VDR: variants seen among roughly 807,000 people sequenced by gnomAD.
VDR encodes the protein vitamin D3 receptor.
VDR carries 19 observed loss-of-function variants against 39.7 expected under a neutral mutation model. The ratio of observed to expected loss-of-function variants is 0.48; its 90% CI spans 0.33 to 0.70. VDR has a LOEUF of 0.70. Ranked by LOEUF, VDR falls within the 30% of genes least tolerant of loss-of-function variation. VDR has a pLI of 0.02. For synonymous variants in VDR, 242 were observed against 215.8 expected (o/e 1.12, Z -1.07); for missense variants, 442 against 570.5 (o/e 0.77, Z 2.29).
rs1310043961 is a variant in VDR at position 47,879,598 on chromosome 12, T to G, written c.-2-483A>C. Reference sequence around the variant, plus strand: ...CTCCCTCAGCCTCAGCACCTACATGTGGAGAGAAACCCTCAGGTCTCCTCC... The same window carrying G: ...CTCCCTCAGCCTCAGCACCTACATGGGGAGAGAAACCCTCAGGTCTCCTCC... On this transcript the variant is annotated intron_variant, in intron 2 of 9. Coordinates refer to ENST00000549336, the MANE Select transcript of VDR (RefSeq NM_000376.3). Among the ~76,000 whole-genome samples the G allele has an allele frequency of 2.6e-5, 4 of 152,236 alleles. No individual in the cohort carries two copies. In the East Asian group the frequency reaches 7.7e-4, roughly 29 times the overall value.
At chr12:47,901,754 T>C (rs1346497510) in intron 1 of VDR, among the ~76,000 whole-genome samples, 1 of 152,166 alleles carries the variant, frequency 6.6e-6, no homozygotes, top group East Asian at 1.9e-4. Context: ...TGAGGCCCAG[T>C]CTTGGCTCCA....
At chr12:47,878,639 C>T (rs938321295) in intron 3 of VDR, among the ~76,000 whole-genome samples, 2 of 152,194 alleles carry the variant, frequency 1.3e-5, no homozygotes, top group African/African-American at 2.4e-5. Context: ...AAGCTGTGAT[C>T]ATCAACAGGG....
At chr12:47,879,546 C>T (rs907528373) in intron 2 of VDR, among the ~76,000 whole-genome samples, 3 of 152,194 alleles carry the variant, frequency 2.0e-5, no homozygotes, top group Admixed American at 6.5e-5. Flanking sequence ...TCCTGCCCAA[C>T]GCCCCCTCCA....
At chr12:47,879,702 G>A (rs1285886208) in intron 2 of VDR, among the ~76,000 whole-genome samples, 3 of 152,166 alleles carry the variant, frequency 2.0e-5, no homozygotes, top group East Asian at 3.9e-4. Context: ...AAAGCTCAGG[G>A]CTAATAGGCT....
intron 2 of VDR, 144 bp downstream of exon 2, chr12:47,882,550 T>C (rs1228682622): frequency 4.4e-6 from 3 of 683,598 alleles, no homozygotes; most frequent in Non-Finnish European, 7.5e-6. Context: ...AGTTGCAGAC[T>C]CTGCTGGCCC....
At chr12:47,883,539 G>C (rs1259695942) in intron 1 of VDR, among the ~76,000 whole-genome samples, 2 of 152,194 alleles carry the variant, frequency 1.3e-5, no homozygotes, top group Non-Finnish European at 2.9e-5. Context: ...CCAGCAAGGA[G>C]GGATGGGCAG....
intron 1 of VDR, among the ~76,000 whole-genome samples, chr12:47,886,958 G>A (rs183554629): frequency 1.3e-5 from 2 of 149,072 alleles, no homozygotes; most frequent in Admixed American, 6.9e-5. Flanking sequence ...TAGGCCATTC[G>A]CACAGGAGCT....
At chr12:47,858,876 T>C in intron 4 of VDR, among the ~76,000 whole-genome samples, 1 of 152,152 alleles carries the variant, frequency 6.6e-6, no homozygotes, top group Non-Finnish European at 1.5e-5. Context: ...GAGAAGTTGC[T>C]GTGGGGTGAG....
At chr12:47,846,534 C>T in intron 8 of VDR, 83 bp from the exon 9 acceptor site, 9 of 1,555,788 alleles carry the variant, frequency 5.8e-6, no homozygotes, top group Non-Finnish European at 7.9e-6. Context: ...TGACCCTCGC[C>T]CTTCTCTCCC....
chr12:47,845,072 A>C, intron 9 of VDR, 67 bp from the exon 10 acceptor site: 5 of 1,595,720 alleles, frequency 3.1e-6, no homozygotes, highest in South Asian at 1.1e-5. Flanking sequence ...GCTCAATCCC[A>C]CCACCCCCCA....
intron 4 of VDR, among the ~76,000 whole-genome samples, chr12:47,862,742 C>T (rs1565616859): frequency 6.6e-6 from 1 of 152,168 alleles, no homozygotes; most frequent in Non-Finnish European, 1.5e-5. Context: ...GGGACAAAAC[C>T]CAGCCCAGAT....
chr12:47,894,629 T>C (rs1437427936), intron 1 of VDR, among the ~76,000 whole-genome samples: 1 of 152,216 alleles, frequency 6.6e-6, no homozygotes, highest in East Asian at 1.9e-4. Flanking sequence ...GCTAGGCTGG[T>C]CAGTAGCCCA....
intron 7 of VDR, among the ~76,000 whole-genome samples, chr12:47,849,129 TC>T (rs143384758): frequency 0.02 from 3,031 of 152,312 alleles, 108 homozygotes; most frequent in African/African-American, 0.066. Context: ...GTCTACTTCC[TC>T]CTGGATATCC....
intron 3 of VDR, among the ~76,000 whole-genome samples, chr12:47,865,936 C>T (rs1206791959): frequency 4.0e-5 from 6 of 150,726 alleles, no homozygotes; most frequent in Admixed American, 1.3e-4. Flanking sequence ...AGGATGGTCT[C>T]GATCTCCTGA....
At chr12:47,855,257 G>A (rs1029415974) in intron 7 of VDR, among the ~76,000 whole-genome samples, 1 of 152,158 alleles carries the variant, frequency 6.6e-6, no homozygotes, top group African/African-American at 2.4e-5. Context: ...GAACCCGGGA[G>A]GCGGAGGTTA....
At chr12:47,902,182 T>C (rs10083198) in intron 1 of VDR, among the ~76,000 whole-genome samples, 65,264 of 152,162 alleles carry the variant, frequency 0.43, 17,400 homozygotes, top group African/African-American at 0.75. Flanking sequence ...GGTATAACCA[T>C]GCATGGCATC....
chr12:47,878,472 A>G (rs1277532426), intron 3 of VDR, among the ~76,000 whole-genome samples: 2 of 152,204 alleles, frequency 1.3e-5, no homozygotes, highest in African/African-American at 2.4e-5. Flanking sequence ...ACCAGGACAA[A>G]CAGTCCTTGG....
intron 1 of VDR, among the ~76,000 whole-genome samples, chr12:47,884,798 A>G (rs1946223105): frequency 6.6e-6 from 1 of 152,036 alleles, no homozygotes; most frequent in Middle Eastern, 3.2e-3. Flanking sequence ...TTTCCTTCCA[A>G]GGATCCCCAG....
intron 4 of VDR, among the ~76,000 whole-genome samples, chr12:47,858,258 A>G (rs1305776854): frequency 6.6e-6 from 1 of 152,198 alleles, no homozygotes; most frequent in African/African-American, 2.4e-5. Context: ...CAGGGTGAAG[A>G]GAGGATGCCA....
Sources: allele counts gnomAD v4.1 joint callset (sites outside exome capture counted in the v4.1 genomes callset), GRCh38; gene constraint gnomAD v4.1.1; transcripts MANE v1.5; gene names NCBI Gene and HGNC (gene_info 2026-07-23, HGNC 2026-07-21).